Variants in KCNIP4 observed in about 807,000 individuals in gnomAD.
KCNIP4 encodes the protein Kv channel-interacting protein 4.
KCNIP4 carries 12 observed loss-of-function variants against 34.0 expected under a neutral mutation model. The ratio of observed to expected loss-of-function variants is 0.35; its 90% CI spans 0.23 to 0.57. The LOEUF (loss-of-function observed/expected upper bound fraction) is 0.57. Ranked by LOEUF, KCNIP4 falls within the 20% of genes least tolerant of loss-of-function variation. The pLI is 0.83. For synonymous variants in KCNIP4, 124 were observed against 102.2 expected, an observed-to-expected ratio of 1.21 and a Z score of -1.29; for missense variants, 238 against 311.7, an observed-to-expected ratio of 0.76 and a Z score of 1.78.
chr4:21,476,381 G>A (rs1730976343), intron 1 of KCNIP4, among the ~76,000 whole-genome samples: 1 of 152,102 alleles, frequency 6.6e-6, no homozygotes, highest in South Asian at 2.1e-4. Context: ...AGGGCTTTTA[G>A]GAGACAAGTA....
intron 1 of KCNIP4, among the ~76,000 whole-genome samples, chr4:21,067,101 C>A (rs1369189556): frequency 2.0e-5 from 3 of 152,128 alleles, no homozygotes; most frequent in Non-Finnish European, 4.4e-5. Flanking sequence ...GTCCTGAGGC[C>A]CCATTCCAGG....
chr4:20,733,825 C>T (rs952752098), intron 6 of KCNIP4, among the ~76,000 whole-genome samples: 1 of 152,152 alleles, frequency 6.6e-6, no homozygotes, highest in African/African-American at 2.4e-5. Flanking sequence ...GTCCTCTGTG[C>T]AAGAAACACA....
chr4:21,120,817 C>T (rs955022735), intron 1 of KCNIP4, among the ~76,000 whole-genome samples: 2 of 152,140 alleles, frequency 1.3e-5, no homozygotes, highest in East Asian at 3.9e-4. Flanking sequence ...CCTGTGAAAA[C>T]ACCGGTCTTA....
At chr4:20,809,226 C>G (rs910376322) in intron 3 of KCNIP4, among the ~76,000 whole-genome samples, 1 of 152,074 alleles carries the variant, frequency 6.6e-6, no homozygotes, top group South Asian at 2.1e-4. Context: ...ACCACTCTGA[C>G]AGATTAAGGC....
intron 1 of KCNIP4, among the ~76,000 whole-genome samples, chr4:21,747,303 A>G (rs892172325): frequency 1.3e-5 from 2 of 152,150 alleles, no homozygotes; most frequent in African/African-American, 4.8e-5. Flanking sequence ...AACCCTGGTA[A>G]GATCATTCTC....
chr4:20,986,285 C>T (rs545673254), intron 1 of KCNIP4, among the ~76,000 whole-genome samples: 3 of 152,264 alleles, frequency 2.0e-5, no homozygotes, highest in African/African-American at 7.2e-5. Context: ...GCCAAAGGTG[C>T]TTTTCATTTT....
intron 1 of KCNIP4, among the ~76,000 whole-genome samples, chr4:21,184,212 G>C (rs1440678769): frequency 6.6e-6 from 1 of 151,988 alleles, no homozygotes; most frequent in Non-Finnish European, 1.5e-5. Context: ...CTGCCTCATA[G>C]GATTATTGTG....
At chr4:20,822,604 G>A (rs946495381) in intron 3 of KCNIP4, among the ~76,000 whole-genome samples, 1 of 152,156 alleles carries the variant, frequency 6.6e-6, no homozygotes, top group African/African-American at 2.4e-5. Flanking sequence ...GTCATTTTGT[G>A]ATAAAAGAGA....
intron 1 of KCNIP4, among the ~76,000 whole-genome samples, chr4:21,447,455 G>C (rs940591854): frequency 2.0e-5 from 3 of 152,136 alleles, no homozygotes; most frequent in Admixed American, 6.6e-5. Context: ...AAGTCACCAA[G>C]TATATGCTAA....
intron 1 of KCNIP4, among the ~76,000 whole-genome samples, chr4:21,205,136 G>A (rs1005375535): frequency 4.6e-5 from 7 of 152,126 alleles, no homozygotes; most frequent in Non-Finnish European, 2.9e-5. Context: ...ATACTGGGTC[G>A]AACCTCATTG....
At chr4:20,907,440 A>G (rs1727881609) in intron 1 of KCNIP4, among the ~76,000 whole-genome samples, 1 of 152,242 alleles carries the variant, frequency 6.6e-6, no homozygotes, top group African/African-American at 2.4e-5. Flanking sequence ...TAATCTACCT[A>G]TCTCATGGGA....
intron 1 of KCNIP4, among the ~76,000 whole-genome samples, chr4:21,513,820 T>C (rs1403786912): frequency 6.6e-6 from 1 of 152,160 alleles, no homozygotes; most frequent in Admixed American, 6.5e-5. Context: ...TCCAAATCCT[T>C]GGATGAACAA....
chr4:21,208,007 T>C (rs1429970190), intron 1 of KCNIP4, among the ~76,000 whole-genome samples: 1 of 151,738 alleles, frequency 6.6e-6, no homozygotes, highest in Non-Finnish European at 1.5e-5. Flanking sequence ...CAGGCCCACA[T>C]AATTTTTGTA....
intron 1 of KCNIP4, among the ~76,000 whole-genome samples, chr4:21,006,217 C>T (rs927631263): frequency 1.3e-5 from 2 of 152,232 alleles, no homozygotes; most frequent in East Asian, 3.9e-4. Flanking sequence ...AACCTGCATG[C>T]AGAGGAGGAA....
intron 1 of KCNIP4, among the ~76,000 whole-genome samples, chr4:21,193,114 T>TAA (rs368675068): frequency 9.3e-4 from 131 of 141,534 alleles, no homozygotes; most frequent in African/African-American, 2.7e-3. Flanking sequence ...AGACCCTGGC[T>TAA]AAAAAAAAAA....
chr4:21,169,895 C>A (rs988383457), intron 1 of KCNIP4, among the ~76,000 whole-genome samples: 1 of 152,066 alleles, frequency 6.6e-6, no homozygotes, highest in Non-Finnish European at 1.5e-5. Context: ...ATAATAATTT[C>A]TTTTCTCTTA....
At chr4:21,456,767 T>C (rs1274463019) in intron 1 of KCNIP4, among the ~76,000 whole-genome samples, 1 of 152,048 alleles carries the variant, frequency 6.6e-6, no homozygotes, top group Non-Finnish European at 1.5e-5. Flanking sequence ...TCCCCACTGT[T>C]CTCACATAGC....
intron 1 of KCNIP4, among the ~76,000 whole-genome samples, chr4:21,066,040 G>T (rs1366270156): frequency 6.6e-6 from 1 of 151,662 alleles, no homozygotes; most frequent in East Asian, 1.9e-4. Flanking sequence ...TAGCCCCTTC[G>T]AGTTTTTATA....
At chr4:21,076,249 C>A (rs915481027) in intron 1 of KCNIP4, among the ~76,000 whole-genome samples, 1 of 152,070 alleles carries the variant, frequency 6.6e-6, no homozygotes, top group South Asian at 2.1e-4. Flanking sequence ...CAACTTGATT[C>A]AATTCTCCCC....
Sources: allele counts gnomAD v4.1 joint callset (sites outside exome capture counted in the v4.1 genomes callset), GRCh38; gene constraint gnomAD v4.1.1; transcripts MANE v1.5; gene names NCBI Gene and HGNC (gene_info 2026-07-23, HGNC 2026-07-21).